DGKH: variants seen among roughly 807,000 people sequenced by gnomAD.
DGKH encodes DAG kinase eta.
A neutral mutation model predicts 159.3 loss-of-function variants in DGKH; 90 were observed. That is an observed-to-expected ratio of 0.57 (90% CI 0.48 to 0.67). The LOEUF (loss-of-function observed/expected upper bound fraction) is 0.67. Among genes scored for constraint, DGKH ranks in the 30% least tolerant of loss-of-function variants. The pLI, the probability that DGKH is intolerant of heterozygous loss-of-function variation, is 0.00. For missense variants in DGKH, 1,181 were observed against 1,506.1 expected (o/e 0.78, Z 3.57); for synonymous variants, 536 against 553.8 (o/e 0.97, Z 0.45).
chr13:42,131,254 T>G (rs964700695), intron 3 of DGKH, among the ~76,000 whole-genome samples: 2 of 152,200 alleles, frequency 1.3e-5, no homozygotes, highest in African/African-American at 4.8e-5. Context: ...AATTTTAGTT[T>G]TGTTGTTGTT....
rs1009210005 is a variant in DGKH at position 42,237,889 on chromosome 13, T to C, written c.*8701T>C. 1.3e-5 allele frequency: 2 copies of C among 152,244 alleles called. No individual in the cohort carries two copies. The highest frequency in any genetic ancestry group is 2.9e-5 in the Non-Finnish European group (2 of 68,030). The allele number at this position is 152,244 out of a possible 1,614,324, so 9.4% of individuals were successfully genotyped here. ...ACCAAGGAGATTTTCTTAAACTTGCTAAGCCTTTCTTAAACTTGCCAAGTA... is the reference window on the plus strand; with the variant it reads ...ACCAAGGAGATTTTCTTAAACTTGCCAAGCCTTTCTTAAACTTGCCAAGTA... On this transcript the variant is annotated 3_prime_UTR_variant, in exon 30 of 30. Coordinates refer to ENST00000337343, the MANE Select transcript of DGKH (RefSeq NM_178009.5).
intron 11 of DGKH, among the ~76,000 whole-genome samples, chr13:42,172,386 T>A (rs1751309982): frequency 6.6e-6 from 1 of 152,106 alleles, no homozygotes; most frequent in South Asian, 2.1e-4. Context: ...CCAAAGTAAA[T>A]TTCTTTTAAA....
rs150786914 is a variant in DGKH at position 42,173,010 on chromosome 13, C to T, written c.1368-1050C>T. The stretch of plus-strand genomic sequence containing the variant: ...TTTTTGAGACAGGGTCTGGCTCTGT[C>T]GCCCAGGCTGGAGTGCAGTGGCATG... On this transcript the variant is annotated intron_variant, in intron 11 of 29. Coordinates refer to ENST00000337343, the MANE Select transcript of DGKH (RefSeq NM_178009.5). Among the ~76,000 whole-genome samples, 8 of 151,048 alleles carry T rather than the reference C, an allele frequency of 5.3e-5. No homozygotes were observed. In the South Asian group the frequency reaches 8.4e-4, roughly 16 times the overall value.
chr13:42,149,061 C>T (rs9594686), intron 3 of DGKH, among the ~76,000 whole-genome samples: 20,236 of 151,262 alleles, frequency 0.13, 1,741 homozygotes, highest in Admixed American at 0.22. Context: ...CCTCCTGCTC[C>T]GGCTTTCCCA....
At chr13:42,173,707 A>G (rs1277261319) in intron 11 of DGKH, among the ~76,000 whole-genome samples, 2 of 152,222 alleles carry the variant, frequency 1.3e-5, no homozygotes, top group African/African-American at 4.8e-5. Context: ...TAAATAGAAC[A>G]GAAAAGAATG....
intron 3 of DGKH, among the ~76,000 whole-genome samples, chr13:42,148,208 G>A (rs1388423284): frequency 1.3e-5 from 2 of 152,190 alleles, no homozygotes; most frequent in Non-Finnish European, 2.9e-5. Flanking sequence ...GGTCCTCCCA[G>A]CAAAGGACTG....
intron 1 of DGKH, among the ~76,000 whole-genome samples, chr13:42,089,309 C>G (rs1954369344): frequency 6.6e-6 from 1 of 152,098 alleles, no homozygotes; most frequent in East Asian, 1.9e-4. Flanking sequence ...ACTGTACATT[C>G]TTTTCAAATA....
At chr13:42,103,692 T>C (rs1954693476) in intron 1 of DGKH, among the ~76,000 whole-genome samples, 1 of 152,196 alleles carries the variant, frequency 6.6e-6, no homozygotes, top group South Asian at 2.1e-4. Context: ...TAATTGCTAA[T>C]GGCAAGGGGA....
chr13:42,246,559 A>AC (rs1285629432), downstream of DGKH, among the ~76,000 whole-genome samples: 1 of 152,056 alleles, frequency 6.6e-6, no homozygotes, highest in Non-Finnish European at 1.5e-5. Flanking sequence ...CATTTGAAAC[A>AC]CCCTCACACC....
At chr13:42,217,020 TA>T (rs1957817104) in intron 26 of DGKH, among the ~76,000 whole-genome samples, 1 of 152,240 alleles carries the variant, frequency 6.6e-6, no homozygotes, top group South Asian at 2.1e-4. Context: ...TCTCCACTTT[TA>T]ATTTTCTCTC....
At chr13:42,138,084 A>AG (rs1405038338) in intron 3 of DGKH, 6 of 985,274 alleles carry the variant, frequency 6.1e-6, no homozygotes, top group Non-Finnish European at 7.2e-6. Context: ...GTGAGCTGAA[A>AG]GGGGCCTTCA....
intron 15 of DGKH, among the ~76,000 whole-genome samples, chr13:42,189,776 C>T (rs960968488): frequency 6.6e-6 from 1 of 152,130 alleles, no homozygotes; most frequent in Admixed American, 6.5e-5. Context: ...GAGCTATCCT[C>T]CTCCCTCAGC....
At chr13:42,174,867 G>A (rs79179187) in intron 12 of DGKH, among the ~76,000 whole-genome samples, 15 of 152,040 alleles carry the variant, frequency 9.9e-5, no homozygotes, top group African/African-American at 3.4e-4. Context: ...CACTGTGGCC[G>A]GCCCCTACTC....
intron 1 of DGKH, among the ~76,000 whole-genome samples, chr13:42,126,086 G>C (rs1363579778): frequency 6.6e-6 from 1 of 152,078 alleles, no homozygotes. Flanking sequence ...CTATAGAAAG[G>C]CTCTAGTGTA....
intron 21 of DGKH, among the ~76,000 whole-genome samples, chr13:42,207,845 G>A (rs746113323): frequency 7.9e-5 from 12 of 151,932 alleles, no homozygotes; most frequent in East Asian, 3.9e-4. Context: ...TGGACAGATA[G>A]GGATACAGTA....
rs1566206723 is a variant in DGKH, at chr13:42,219,221, G to C, written c.3214-9G>C. On this transcript the variant is annotated splice_polypyrimidine_tract_variant and intron_variant, in intron 26 of 29. Coordinates refer to ENST00000337343, the MANE Select transcript of DGKH (RefSeq NM_178009.5). ...GTTTTGTTTTGTCTTTTAATCTGCTGGTAAATAGCAGCTGGAATCGCCACA... is the reference window on the plus strand; with the variant it reads ...GTTTTGTTTTGTCTTTTAATCTGCTCGTAAATAGCAGCTGGAATCGCCACA... The C allele has an allele frequency of 6.2e-7, 1 of 1,613,064 alleles. No individual in the cohort carries two copies. Among genetic ancestry groups the C allele is most frequent in the Non-Finnish European group, 8.5e-7 (1 of 1,179,562 alleles).
rs190716890 is a variant in DGKH, at chr13:42,239,930, A to G, written c.*10742A>G. On this transcript the variant is annotated 3_prime_UTR_variant, in exon 30 of 30. Coordinates refer to ENST00000337343, the MANE Select transcript of DGKH (RefSeq NM_178009.5). ...GCCTTGGCATAATCACATGCCATAG[A>G]TGAACATGTTCAAGACTCAGTTCAA... The G allele has an allele frequency of 1.1e-4, 16 of 152,348 alleles. No homozygotes were observed. The highest frequency in any genetic ancestry group is 3.8e-4 in the African/African-American group (16 of 41,588). The allele number at this position is 152,348 out of a possible 1,614,324, so 9.4% of individuals were successfully genotyped here. A position where few individuals can be genotyped will look rare whatever the true frequency, so the allele number is the denominator to read the frequency against.
intron 1 of DGKH, among the ~76,000 whole-genome samples, chr13:42,121,542 C>A (rs1239573507): frequency 6.6e-6 from 1 of 152,180 alleles, no homozygotes; most frequent in East Asian, 1.9e-4. Flanking sequence ...CTCCCGGACT[C>A]CAAGGAGTTT....
intron 12 of DGKH, among the ~76,000 whole-genome samples, chr13:42,174,560 AG>A (rs1292065087): frequency 1.3e-5 from 2 of 152,090 alleles, no homozygotes; most frequent in Non-Finnish European, 2.9e-5. Flanking sequence ...GTTTCCTGTT[AG>A]TGTTTATTCA....
Sources: allele counts gnomAD v4.1 joint callset (sites outside exome capture counted in the v4.1 genomes callset), GRCh38; gene constraint gnomAD v4.1.1; transcripts MANE v1.5; gene names NCBI Gene and HGNC (gene_info 2026-07-23, HGNC 2026-07-21).